Variants in LAMA2 observed in about 807,000 individuals in gnomAD.
LAMA2 encodes the protein laminin subunit alpha 2.
LAMA2 carries 269 observed loss-of-function variants against 364.8 expected under a neutral mutation model. The ratio of observed to expected loss-of-function variants is 0.74; its 90% CI spans 0.67 to 0.82. The LOEUF (loss-of-function observed/expected upper bound fraction) is 0.82, where lower values mean the gene tolerates loss of function less well. Among genes scored for constraint, LAMA2 ranks in the 40% least tolerant of loss-of-function variants. The pLI, the probability that LAMA2 is intolerant of heterozygous loss-of-function variation, is 0.00. For synonymous variants in LAMA2, 1,379 were observed against 1,370.6 expected, an observed-to-expected ratio of 1.01 and a Z score of -0.14; for missense variants, 3,807 against 3,873.2, an observed-to-expected ratio of 0.98 and a Z score of 0.45.
At chr6:129,285,531 C>T (rs551469015) in intron 18 of LAMA2, among the ~76,000 whole-genome samples, 1 of 152,068 alleles carries the variant, frequency 6.6e-6, no homozygotes, top group Admixed American at 6.6e-5. Context: ...GCTATCTCTC[C>T]AAAGGGCAGT....
At chr6:129,163,775 A>T (rs1037343050) in intron 8 of LAMA2, among the ~76,000 whole-genome samples, 1 of 152,176 alleles carries the variant, frequency 6.6e-6, no homozygotes, top group East Asian at 1.9e-4. Flanking sequence ...TAGGTTGACT[A>T]CTCTTCCTCC....
intron 2 of LAMA2, among the ~76,000 whole-genome samples, chr6:129,052,976 T>C (rs1433439214): frequency 1.3e-5 from 2 of 152,208 alleles, no homozygotes; most frequent in Non-Finnish European, 2.9e-5. Flanking sequence ...TGGTCGTGTG[T>C]ATCACAGAAT....
At chr6:129,036,302 A>C (rs1786637389) in intron 1 of LAMA2, among the ~76,000 whole-genome samples, 1 of 152,206 alleles carries the variant, frequency 6.6e-6, no homozygotes, top group Admixed American at 6.5e-5. Flanking sequence ...TTTATGGTGT[A>C]ATCCTATCTT....
intron 1 of LAMA2, among the ~76,000 whole-genome samples, chr6:128,894,455 C>G (rs1776644986): frequency 6.6e-6 from 1 of 151,986 alleles, no homozygotes; most frequent in Non-Finnish European, 1.5e-5. Context: ...TGTTATTTTT[C>G]TTGAAATAGT....
chr6:128,980,237 A>C (rs544491355), intron 1 of LAMA2, among the ~76,000 whole-genome samples: 1 of 152,352 alleles, frequency 6.6e-6, no homozygotes, highest in African/African-American at 2.4e-5. Flanking sequence ...TCAATATCAC[A>C]CACACTAACA....
At chr6:129,430,518 T>G (rs1309066546) in intron 41 of LAMA2, among the ~76,000 whole-genome samples, 2 of 152,236 alleles carry the variant, frequency 1.3e-5, no homozygotes, top group Non-Finnish European at 2.9e-5. Flanking sequence ...AGTTTGAGAT[T>G]TGAAGCCTGT....
chr6:129,158,756 A>G, intron 8 of LAMA2: 2 of 1,614,144 alleles, frequency 1.2e-6, no homozygotes, highest in Non-Finnish European at 1.7e-6. Context: ...ACAACATTCT[A>G]TTGTCCGGCG....
chr6:128,922,906 C>G (rs1366581522), intron 1 of LAMA2, among the ~76,000 whole-genome samples: 9 of 151,742 alleles, frequency 5.9e-5, no homozygotes, highest in Non-Finnish European at 1.3e-4. Flanking sequence ...GGAAGGGATC[C>G]AGTTTCAGCT....
intron 1 of LAMA2, among the ~76,000 whole-genome samples, chr6:129,023,554 C>T (rs1011477407): frequency 2.0e-5 from 3 of 152,154 alleles, no homozygotes; most frequent in East Asian, 1.9e-4. Flanking sequence ...TCAGCAAAGA[C>T]GCCTGGGAGC....
chr6:129,151,665 A>T (rs1347356311), intron 7 of LAMA2, among the ~76,000 whole-genome samples: 8 of 152,334 alleles, frequency 5.3e-5, no homozygotes, highest in Non-Finnish European at 1.2e-4. Flanking sequence ...GAGCAGGCAC[A>T]TCTTACATGG....
chr6:129,248,109 G>A (rs1045088672), intron 12 of LAMA2, among the ~76,000 whole-genome samples: 6 of 152,154 alleles, frequency 3.9e-5, no homozygotes, highest in Admixed American at 3.9e-4. Flanking sequence ...GGTGGTATTA[G>A]ATTCTCACAG....
chr6:128,989,905 C>G (rs1429295275), intron 1 of LAMA2, among the ~76,000 whole-genome samples: 1 of 152,072 alleles, frequency 6.6e-6, no homozygotes, highest in Non-Finnish European at 1.5e-5. Flanking sequence ...TTTCTGTAGC[C>G]TCGCATGATG....
chr6:129,072,909 T>G (rs895753734), intron 3 of LAMA2, among the ~76,000 whole-genome samples: 1 of 152,156 alleles, frequency 6.6e-6, no homozygotes, highest in African/African-American at 2.4e-5. Flanking sequence ...CATGCAGTTT[T>G]CATCTAATTT....
intron 13 of LAMA2, 120 bp from the exon 14 acceptor site, chr6:129,251,964 C>T (rs868660417): frequency 1.5e-6 from 1 of 659,088 alleles, no homozygotes; most frequent in South Asian, 1.9e-5. Flanking sequence ...AAAAAATAAA[C>T]ATAAATTTTT....
intron 1 of LAMA2, among the ~76,000 whole-genome samples, chr6:128,959,533 A>C (rs909334691): frequency 2.6e-5 from 4 of 152,282 alleles, no homozygotes; most frequent in African/African-American, 9.6e-5. Context: ...TGAGGACTGA[A>C]GTGTGTTTCC....
chr6:129,228,469 G>T (rs1345489262), intron 12 of LAMA2, among the ~76,000 whole-genome samples: 3 of 151,854 alleles, frequency 2.0e-5, no homozygotes, highest in African/African-American at 7.3e-5. Context: ...AATTATACTG[G>T]TTTCTAAAAA....
chr6:129,185,320 A>T (rs2115026864), intron 10 of LAMA2, among the ~76,000 whole-genome samples: 1 of 152,012 alleles, frequency 6.6e-6, no homozygotes, highest in East Asian at 1.9e-4. Flanking sequence ...AACTATAGCA[A>T]AAAGAAAATT....
chr6:129,242,605 A>T (rs72973232), intron 12 of LAMA2, among the ~76,000 whole-genome samples: 1 of 152,140 alleles, frequency 6.6e-6, no homozygotes, highest in African/African-American at 2.4e-5. Flanking sequence ...TTAATTATGG[A>T]TAACATGTAT....
intron 61 of LAMA2, among the ~76,000 whole-genome samples, chr6:129,505,927 T>G (rs757018908): frequency 2.0e-5 from 3 of 152,240 alleles, no homozygotes; most frequent in Non-Finnish European, 4.4e-5. Flanking sequence ...TTTGAATACC[T>G]ATTTAACTAT....
Sources: gnomAD v4.1 joint callset for allele counts (sites outside exome capture counted in the v4.1 genomes callset) on GRCh38, gnomAD v4.1.1 for gene constraint, MANE v1.5 for transcripts, NCBI Gene and HGNC (gene_info 2026-07-23, HGNC 2026-07-21) for gene names.